POU6F2: variants seen among roughly 807,000 people sequenced by gnomAD.
POU6F2 encodes POU class 6 homeobox 2.
Under a neutral mutation model 71.3 loss-of-function variants are expected in POU6F2, and 31 were observed. The ratio of observed to expected loss-of-function variants is 0.43; its 90% confidence interval spans 0.33 to 0.59. The LOEUF (loss-of-function observed/expected upper bound fraction) is 0.59, where lower values mean the gene tolerates loss of function less well. Ranked by LOEUF, POU6F2 falls within the 20% of genes least tolerant of loss-of-function variation. The pLI is 0.04. For missense variants in POU6F2, 783 were observed against 856.8 expected (o/e 0.91, Z 1.07); for synonymous variants, 347 against 355.7 (o/e 0.98, Z 0.27).
chr7:39,172,206 T>G, intron 2 of POU6F2, among the ~76,000 whole-genome samples: 1 of 152,330 alleles, frequency 6.6e-6, no homozygotes, highest in East Asian at 1.9e-4. Flanking sequence ...TATTATATAT[T>G]TAACATTAGA....
At chr7:39,297,974 C>T (rs1257025610) in intron 4 of POU6F2, among the ~76,000 whole-genome samples, 3 of 152,106 alleles carry the variant, frequency 2.0e-5, no homozygotes, top group Non-Finnish European at 4.4e-5. Flanking sequence ...AAACTGGACC[C>T]CTTCCTTATA....
At chr7:39,308,262 G>C (rs766891171) in intron 4 of POU6F2, among the ~76,000 whole-genome samples, 3 of 152,158 alleles carry the variant, frequency 2.0e-5, no homozygotes, top group Non-Finnish European at 2.9e-5. Flanking sequence ...ACCATTCCAA[G>C]TACCCCCAAC....
intron 4 of POU6F2, among the ~76,000 whole-genome samples, chr7:39,327,495 G>A (rs925028466): frequency 6.6e-6 from 1 of 151,948 alleles, no homozygotes; most frequent in African/African-American, 2.4e-5. Context: ...AGGCAAACTA[G>A]GTATGGTGGT....
chr7:39,275,264 A>C, intron 4 of POU6F2, among the ~76,000 whole-genome samples: 1 of 152,108 alleles, frequency 6.6e-6, no homozygotes, highest in South Asian at 2.1e-4. Flanking sequence ...ATAACAGACA[A>C]ACAGAGAGCC....
At chr7:39,205,550 T>G (rs1793993713) in intron 3 of POU6F2, among the ~76,000 whole-genome samples, 1 of 152,160 alleles carries the variant, frequency 6.6e-6, no homozygotes, top group Non-Finnish European at 1.5e-5. Context: ...GAGCTACTTA[T>G]TTGCCTTCCC....
At position 39,005,484 on chromosome 7, in the gene POU6F2, C is replaced by CTATGTGTGTGTGTG. The variant is rs373403349; in HGVS notation, c.105+27427_105+27428insATGTGTGTGTGTGT. ...ATGCTTTCTGGGGAAAGGGAGAAAC[C>CTATGTGTGTGTGTG]TGTGTGTGTGTGTGTGTGTGTGTGT... is the stretch of plus-strand genomic sequence containing the variant. On this transcript the variant is annotated intron_variant, in intron 1 of 9. Coordinates refer to ENST00000518318, the MANE Select transcript of POU6F2 (RefSeq NM_001370959.1). 3.9e-5 allele frequency among the ~76,000 whole-genome samples: 5 copies of CTATGTGTGTGTGTG among 126,706 alleles called. No individual in the cohort carries two copies. In the East Asian group the frequency reaches 9.8e-4, roughly 25 times the overall value. 83.1% of individuals were successfully genotyped at this position (126,706 alleles called of 152,430 possible). A position where few individuals can be genotyped will look rare whatever the true frequency, so the allele number is the denominator to read the frequency against.
At chr7:39,153,991 A>G in intron 2 of POU6F2, among the ~76,000 whole-genome samples, 1 of 152,212 alleles carries the variant, frequency 6.6e-6, no homozygotes, top group East Asian at 1.9e-4. Flanking sequence ...CATCAATAGT[A>G]ACTGTTAGAA....
intron 4 of POU6F2, among the ~76,000 whole-genome samples, chr7:39,252,696 G>C (rs1167800165): frequency 6.6e-6 from 1 of 152,104 alleles, no homozygotes; most frequent in Admixed American, 6.5e-5. Context: ...GAGTCTTTGT[G>C]CTTGCTGTTC....
At chr7:39,181,998 T>C (rs1051787868) in intron 2 of POU6F2, among the ~76,000 whole-genome samples, 7 of 152,194 alleles carry the variant, frequency 4.6e-5, no homozygotes, top group African/African-American at 1.7e-4. Context: ...CAATCTCTAC[T>C]CCTTAAAAAA....
At chr7:39,016,222 T>C (rs1789545490) in intron 1 of POU6F2, among the ~76,000 whole-genome samples, 1 of 143,932 alleles carries the variant, frequency 6.9e-6, no homozygotes, top group African/African-American at 2.6e-5. Context: ...ATTACCTATA[T>C]ATAATGCAAT....
In POU6F2 at chr7:39,336,779, C is replaced by G. The variant is rs541723064; in HGVS notation, c.599-2863C>G. Among the ~76,000 whole-genome samples the G allele has an allele frequency of 4.7e-3, 711 of 152,240 alleles. 5 individuals carry two copies. Among genetic ancestry groups the G allele is most frequent in the African/African-American group, 0.016 (653 of 41,534 alleles). The stretch of plus-strand genomic sequence containing the variant: ...CCACATTTGCCTGAGCCTGAGAAGT[C>G]CAAGTAAATGCTGAAGTGGAGATGC... On this transcript the variant is annotated intron_variant, in intron 4 of 9. Transcript: ENST00000518318.
intron 2 of POU6F2, 57 bp from the exon 3 acceptor site, chr7:39,204,178 A>T: frequency 7.0e-7 from 1 of 1,431,704 alleles, no homozygotes; most frequent in Non-Finnish European, 9.8e-7. Context: ...ATGTTATGTG[A>T]CATCAGTTCC....
chr7:38,982,938 T>A (rs1322225178), intron 1 of POU6F2, among the ~76,000 whole-genome samples: 1 of 152,064 alleles, frequency 6.6e-6, no homozygotes, highest in Non-Finnish European at 1.5e-5. Context: ...GTGAAGGATG[T>A]TTCTTCACTG....
intron 5 of POU6F2, among the ~76,000 whole-genome samples, chr7:39,356,170 G>T (rs184411823): frequency 6.6e-6 from 1 of 152,288 alleles, no homozygotes; most frequent in African/African-American, 2.4e-5. Context: ...CTTCCTAAAA[G>T]AACATTTAGT....
Position 39,461,093 on chromosome 7 carries a change from C to G in POU6F2, c.1658+378C>G, listed in dbSNP as rs150996815. Among the ~76,000 whole-genome samples, 411 of 152,200 alleles carry G rather than the reference C, an allele frequency of 2.7e-3. 1 individual carries two copies. Among genetic ancestry groups the G allele is most frequent in the African/African-American group, 9.5e-3 (393 of 41,512 alleles). On this transcript the variant is annotated intron_variant, in intron 9 of 9. Transcript: ENST00000518318. ...CTGCCATTCCTAATTTGTGTTAACGCCTTTGCTATTTCTGCCCAGAGATGG... is the reference window on the plus strand; with the variant it reads ...CTGCCATTCCTAATTTGTGTTAACGGCTTTGCTATTTCTGCCCAGAGATGG...
chr7:39,357,065 A>T (rs1352278191), intron 5 of POU6F2, among the ~76,000 whole-genome samples: 1 of 152,226 alleles, frequency 6.6e-6, no homozygotes, highest in Non-Finnish European at 1.5e-5. Context: ...TATAGATCTG[A>T]TTGATCCGTG....
intron 4 of POU6F2, among the ~76,000 whole-genome samples, chr7:39,304,367 G>C (rs1370543953): frequency 6.6e-6 from 1 of 152,152 alleles, no homozygotes; most frequent in South Asian, 2.1e-4. Flanking sequence ...CCAACATTTG[G>C]TGTGTCTCTT....
At chr7:39,096,526 A>G (rs187631986) in intron 2 of POU6F2, among the ~76,000 whole-genome samples, 1 of 152,326 alleles carries the variant, frequency 6.6e-6, no homozygotes, top group African/African-American at 2.4e-5. Context: ...GGAGTCTGGC[A>G]GAAGAAGCGA....
intron 7 of POU6F2, among the ~76,000 whole-genome samples, chr7:39,438,250 T>C (rs10258812): frequency 0.34 from 51,166 of 151,974 alleles, 9,629 homozygotes; most frequent in East Asian, 0.58. Context: ...TCCAGCTTCA[T>C]CCATGTCCCT....
Sources: allele counts gnomAD v4.1 joint callset (sites outside exome capture counted in the v4.1 genomes callset), GRCh38; gene constraint gnomAD v4.1.1; transcripts MANE v1.5; gene names NCBI Gene and HGNC (gene_info 2026-07-23, HGNC 2026-07-21).